Variants in GLIS3 observed in about 807,000 individuals in gnomAD.
GLIS3 encodes the protein GLIS family zinc finger 3, also known as zinc finger protein GLIS3.
A neutral mutation model predicts 78.6 loss-of-function variants in GLIS3; 53 were observed. The observed-to-expected ratio is 0.67, with a 90% CI of 0.54 to 0.85. The LOEUF is 0.85. GLIS3 is among the 40% of genes least tolerant of loss of function. GLIS3 has a pLI of 0.00. For missense variants in GLIS3, 1,703 were observed against 1,231.1 expected (o/e 1.38, Z -5.74); for synonymous variants, 684 against 509.9 (o/e 1.34, Z -4.60).
intron 2 of GLIS3, among the ~76,000 whole-genome samples, chr9:4,257,180 G>A (rs1204486963): frequency 6.6e-6 from 1 of 152,152 alleles, no homozygotes; most frequent in Non-Finnish European, 1.5e-5. Flanking sequence ...AAGGGATACT[G>A]CCATTTATGA....
chr9:4,408,227 T>C, the GLIS3 span, among the ~76,000 whole-genome samples: 6 of 151,732 alleles, frequency 4.0e-5, no homozygotes, highest in African/African-American at 7.3e-5. Flanking sequence ...AAAACAAAAA[T>C]AGAGCTACCA....
At chr9:4,408,193 G>C in the GLIS3 span, among the ~76,000 whole-genome samples, 1 of 152,032 alleles carries the variant, frequency 6.6e-6, no homozygotes, top group Non-Finnish European at 1.5e-5. Context: ...AACCACTACG[G>C]AGAACAGCAT....
the GLIS3 span, among the ~76,000 whole-genome samples, chr9:4,412,314 G>C: frequency 6.6e-6 from 1 of 152,176 alleles, no homozygotes; most frequent in Non-Finnish European, 1.5e-5. Context: ...TTTAACCAAA[G>C]TTTTTTAGTG....
chr9:4,472,319 G>T, the GLIS3 span, among the ~76,000 whole-genome samples: 1 of 152,254 alleles, frequency 6.6e-6, no homozygotes, highest in African/African-American at 2.4e-5. Flanking sequence ...TATGTTTATT[G>T]TGGCACTATT....
upstream of GLIS3, among the ~76,000 whole-genome samples, chr9:4,350,155 G>T (rs781452088): frequency 1.3e-5 from 2 of 152,182 alleles, no homozygotes; most frequent in Non-Finnish European, 2.9e-5. Context: ...AGAGAAGACC[G>T]AGAGCTATCA....
intron 2 of GLIS3, among the ~76,000 whole-genome samples, chr9:4,342,341 C>G (rs77489195): frequency 0.024 from 3,723 of 152,206 alleles, 154 homozygotes; most frequent in African/African-American, 0.081. Context: ...CATTTATGGC[C>G]TGGTGCTTTC....
At chr9:3,996,153 A>T (rs1376298646) in intron 4 of GLIS3, among the ~76,000 whole-genome samples, 1 of 152,214 alleles carries the variant, frequency 6.6e-6, no homozygotes, top group African/African-American at 2.4e-5. Context: ...TCAAAATTGC[A>T]TGCAATTTAC....
chr9:4,087,450 C>T (rs1232469937), intron 4 of GLIS3, among the ~76,000 whole-genome samples: 1 of 152,120 alleles, frequency 6.6e-6, no homozygotes, highest in Non-Finnish European at 1.5e-5. Context: ...ATAAACAAAA[C>T]AGGAAAACAA....
rs1818888576 is a variant in GLIS3, at chr9:3,977,413, G to T, written c.1711-40224C>A. Among the ~76,000 whole-genome samples the T allele has an allele frequency of 6.6e-6, 1 of 152,262 alleles. No individual in the cohort carries two copies. The highest frequency in any genetic ancestry group is 2.1e-4 in the South Asian group (1 of 4,820). ...ATTTAATTTATTTTGGAGAACTGAG[G>T]TTGATATCCACTAGTGCTATTATTA... On this transcript the variant is annotated intron_variant, in intron 4 of 10. Coordinates refer to ENST00000381971, the MANE Select transcript of GLIS3 (RefSeq NM_001042413.2). The surrounding 1 kb of genome is among the most constrained non-coding windows in gnomAD (Gnocchi z 4.1).
rs773069755 is a variant in GLIS3, at chr9:4,286,395, G to A, written c.31C>T (p.His11Tyr). 7.1e-5 allele frequency: 115 copies of A among 1,614,024 alleles called. No homozygotes were observed. The highest frequency in any genetic ancestry group is 6.0e-4 in the South Asian group (55 of 91,086). Residue 11 changes from histidine to tyrosine, a missense_variant, in exon 2 of 11, where the codon CAC (histidine) becomes TAC (tyrosine). His to Tyr is a moderately conservative substitution (Grantham distance 83). Coordinates refer to ENST00000381971, the MANE Select transcript of GLIS3 (RefSeq NM_001042413.2). ...CCCTGTGGGGTTCCCGATGTCCGGT[G>A]GAGACTCATGCTGCATGATCTTCCA... MNGRSCSMSL[H>Y]RTSGTPQGPR...
At chr9:4,168,021 T>A (rs529178437) in intron 2 of GLIS3, among the ~76,000 whole-genome samples, 15 of 152,204 alleles carry the variant, frequency 9.9e-5, no homozygotes, top group South Asian at 2.1e-4. Context: ...AGGGCTTTAG[T>A]TGGAGTCTGT....
the GLIS3 span, among the ~76,000 whole-genome samples, chr9:4,413,540 T>A: frequency 4.6e-5 from 7 of 152,116 alleles, no homozygotes; most frequent in African/African-American, 1.7e-4. Flanking sequence ...TAAAGAATCA[T>A]CTTCTCCAGT....
intron 4 of GLIS3, among the ~76,000 whole-genome samples, chr9:4,090,410 G>A (rs960576588): frequency 6.6e-6 from 1 of 151,898 alleles, no homozygotes; most frequent in African/African-American, 2.4e-5. Context: ...TACCCAGGAT[G>A]TGACAAAGAA....
chr9:4,118,160 T>A lies in GLIS3; in HGVS notation c.1318A>T (p.Thr440Ser), dbSNP rs80161424. ...GGAGGCGCGGGGGGTAGGTCTACGG[T>A]GCTGCCCGGGAACTCCTCCAGGCGT... ...TERLEEFPGSTVDLPPAPPLP... is the reference protein window; with the variant it reads ...TERLEEFPGSSVDLPPAPPLP... Residue 440 changes from threonine (T) to serine (S), a missense_variant, in exon 4 of 11, where the codon ACC becomes TCC. Physicochemically the swap from Thr to Ser is moderately conservative, Grantham distance 58. Transcript: ENST00000381971. This position sits in a 1 kb window ranked among gnomAD's most constrained non-coding sequence, Gnocchi z 4.7. 1 of 1,564,088 alleles carries A rather than the reference T, an allele frequency of 6.4e-7. No individual in the cohort carries two copies. Among genetic ancestry groups the A allele is most frequent in the Admixed American group, 1.8e-5 (1 of 55,356 alleles).
At chr9:4,333,577 T>C (rs1424349069) in intron 2 of GLIS3, among the ~76,000 whole-genome samples, 1 of 152,150 alleles carries the variant, frequency 6.6e-6, no homozygotes, top group Admixed American at 6.5e-5. Context: ...ATTTGATACA[T>C]GAAACAATAG....
Position 3,827,966 on chromosome 9 carries a change from G to A in GLIS3, c.*306C>T. On this transcript the variant is annotated 3_prime_UTR_variant, in exon 11 of 11. Coordinates refer to ENST00000381971, the MANE Select transcript of GLIS3 (RefSeq NM_001042413.2). The stretch of plus-strand genomic sequence containing the variant: ...TTCATATGCACATCATTTCACTGGG[G>A]TCCTTTAAGGGTTGACAGCCAGGAA... The A allele has an allele frequency of 9.6e-6, 4 of 416,552 alleles. No homozygotes were observed. The highest frequency in any genetic ancestry group is 2.2e-5 in the South Asian group (1 of 44,450). 25.8% of individuals were successfully genotyped at this position (416,552 alleles called of 1,614,324 possible). A position where few individuals can be genotyped will look rare whatever the true frequency, so the allele number is the denominator to read the frequency against.
rs200829755 is a variant in GLIS3 at position 4,248,994 on chromosome 9, A to G, written c.388+37044T>C. ...TTCTGTTCCATTAGTCTATATATCTATTTTGGTACAAGTACCATGCTGTTT... is the reference window on the plus strand; with the variant it reads ...TTCTGTTCCATTAGTCTATATATCTGTTTTGGTACAAGTACCATGCTGTTT... On this transcript the variant is annotated intron_variant, in intron 2 of 10. Coordinates refer to ENST00000381971, the MANE Select transcript of GLIS3 (RefSeq NM_001042413.2). Among the ~76,000 whole-genome samples the G allele has an allele frequency of 3.9e-5, 6 of 152,172 alleles. No homozygotes were observed. In the South Asian group the frequency reaches 1.2e-3, roughly 32 times the overall value.
intron 4 of GLIS3, among the ~76,000 whole-genome samples, chr9:4,066,502 A>T (rs1034005126): frequency 6.6e-6 from 1 of 152,154 alleles, no homozygotes; most frequent in African/African-American, 2.4e-5. Flanking sequence ...CTGCAACCCC[A>T]CTTCTCTCCC....
At chr9:4,298,503 CG>C in intron 1 of GLIS3, 1 of 437,716 alleles carries the variant, frequency 2.3e-6, no homozygotes, top group South Asian at 1.6e-5. Flanking sequence ...AACTGTCGCT[CG>C]GGGCAAGGTG....
Sources: allele counts gnomAD v4.1 joint callset (sites outside exome capture counted in the v4.1 genomes callset), GRCh38; gene constraint gnomAD v4.1.1; non-coding constraint Gnocchi (gnomAD v3.1); transcripts MANE v1.5; gene names NCBI Gene and HGNC (gene_info 2026-07-23, HGNC 2026-07-21).